Variants in AGO3 observed in about 807,000 individuals in gnomAD.
AGO3 encodes argonaute RISC catalytic component 3.
In AGO3, 16 loss-of-function variants were observed where a neutral mutation model predicts 105.5. The observed-to-expected ratio is 0.15, with a 90% CI of 0.10 to 0.23. The LOEUF (loss-of-function observed/expected upper bound fraction) is 0.23, where lower values mean the gene tolerates loss of function less well. Among genes scored for constraint, AGO3 ranks in the 10% least tolerant of loss-of-function variants. The pLI is 1.00. For missense variants in AGO3, 534 were observed against 1,088.0 expected, an observed-to-expected ratio of 0.49 and a Z score of 7.16; for synonymous variants, 340 against 367.3, an observed-to-expected ratio of 0.93 and a Z score of 0.85.
rs116815282 is a variant in AGO3 at position 36,021,763 on chromosome 1, A to G, written c.1407-5351A>G. ...AGTCATTCATTTAGCCAAGGTGATC[A>G]TTAAAAGGTTTTTTAAAAGCAAAAC... is the stretch of plus-strand genomic sequence containing the variant. On this transcript the variant is annotated intron_variant, in intron 11 of 18. Coordinates refer to ENST00000373191, the MANE Select transcript of AGO3 (RefSeq NM_024852.4). Among the ~76,000 whole-genome samples the G allele has an allele frequency of 7.1e-3, 1,077 of 152,346 alleles. 12 individuals carry two copies. The highest frequency in any genetic ancestry group is 0.025 in the African/African-American group (1,022 of 41,584).
chr1:35,937,296 G>A (rs936109644), intron 1 of AGO3, among the ~76,000 whole-genome samples: 5 of 151,690 alleles, frequency 3.3e-5, no homozygotes, highest in South Asian at 2.1e-4. Flanking sequence ...CCCGCTACTC[G>A]GGAGGCTGAG....
intron 5 of AGO3, chr1:35,991,976 G>T (rs1405910174): frequency 6.6e-6 from 1 of 152,112 alleles, no homozygotes; most frequent in Admixed American, 6.5e-5. Flanking sequence ...CATGGATAGG[G>T]TTTGTTGACT....
At chr1:35,972,001 G>C in intron 3 of AGO3, 23 bp from the exon 4 acceptor site, 2 of 1,598,504 alleles carry the variant, frequency 1.3e-6, no homozygotes, top group South Asian at 2.2e-5. Context: ...ACATTTACCA[G>C]TTGACTCTTT....
At position 36,036,180 on chromosome 1, in the gene AGO3, T is replaced by A. The variant is rs1335191902; in HGVS notation, c.1755T>A (p.Pro585=). The A allele has an allele frequency of 6.2e-7, 1 of 1,613,928 alleles. No homozygotes were observed. Among genetic ancestry groups the A allele is most frequent in the Non-Finnish European group, 8.5e-7 (1 of 1,179,926 alleles). Residue 585 remains proline, a synonymous_variant, in exon 14 of 19, where the codon CCT becomes CCA. Coordinates refer to ENST00000373191, the MANE Select transcript of AGO3 (RefSeq NM_024852.4). ...INNILVPHQR[P]SVFQQPVIFL... The stretch of plus-strand genomic sequence containing the variant: ...CCTTTTTCAAAATGTGTTTAAGACC[T>A]TCTGTGTTCCAGCAACCAGTGATCT...
At chr1:35,962,171 G>C (rs1354139384) in intron 2 of AGO3, among the ~76,000 whole-genome samples, 1 of 152,034 alleles carries the variant, frequency 6.6e-6, no homozygotes, top group South Asian at 2.1e-4. Context: ...TTCTAAGGTG[G>C]AAAATTATTC....
chr1:36,026,125 G>A (rs961432691), intron 11 of AGO3, among the ~76,000 whole-genome samples: 1 of 151,274 alleles, frequency 6.6e-6, no homozygotes, highest in African/African-American at 2.4e-5. Flanking sequence ...CTGTTTATTT[G>A]GAGACAAGAG....
intron 2 of AGO3, among the ~76,000 whole-genome samples, chr1:35,946,808 A>C (rs1337294860): frequency 2.0e-5 from 3 of 152,238 alleles, no homozygotes; most frequent in Non-Finnish European, 4.4e-5. Context: ...AGAATGTTGT[A>C]ATTAACATGT....
At chr1:35,960,190 A>G (rs1453102539) in intron 2 of AGO3, among the ~76,000 whole-genome samples, 1 of 152,172 alleles carries the variant, frequency 6.6e-6, no homozygotes, top group Non-Finnish European at 1.5e-5. Flanking sequence ...GAAACTAGAT[A>G]AATTACTGTT....
intron 5 of AGO3, among the ~76,000 whole-genome samples, chr1:35,987,188 C>T (rs1250271403): frequency 1.3e-5 from 2 of 151,566 alleles, no homozygotes; most frequent in Admixed American, 6.6e-5. Flanking sequence ...ATCAGCCAGA[C>T]GTGGTGGCAC....
Position 36,008,516 on chromosome 1 carries a change from G to C in AGO3, c.794-174G>C, listed in dbSNP as rs1036031822. 2.0e-5 allele frequency among the ~76,000 whole-genome samples: 3 copies of C among 152,162 alleles called. No individual in the cohort carries two copies. The highest frequency in any genetic ancestry group is 6.5e-5 in the Admixed American group (1 of 15,272). Reference sequence around the variant, plus strand: ...TTTTGCCATTAGGTCTGTCATGACTGTGACCATTATTAGCAATGTTATATG... The same window carrying C: ...TTTTGCCATTAGGTCTGTCATGACTCTGACCATTATTAGCAATGTTATATG... On this transcript the variant is annotated intron_variant, in intron 6 of 18. Coordinates refer to ENST00000373191, the MANE Select transcript of AGO3 (RefSeq NM_024852.4). The surrounding 1 kb of genome is among the most constrained non-coding windows in gnomAD (Gnocchi z 5.1).
rs993397555 is a variant in AGO3, at chr1:36,064,160, A to C, written c.*8415A>C. On this transcript the variant is annotated 3_prime_UTR_variant, in exon 19 of 19. Transcript: ENST00000373191. Reference sequence around the variant, plus strand: ...TTTGGGAGGCCGAGGCAGGCAGACCACCTGAGGTCAGGGGTTCGTGACCAG... The same window carrying C: ...TTTGGGAGGCCGAGGCAGGCAGACCCCCTGAGGTCAGGGGTTCGTGACCAG... 1.3e-5 allele frequency: 2 copies of C among 152,390 alleles called. No homozygotes were observed. The highest frequency in any genetic ancestry group is 4.8e-5 in the African/African-American group (2 of 41,460). 9.4% of individuals were successfully genotyped at this position (152,390 alleles called of 1,614,324 possible).
chr1:35,956,095 C>T (rs1242802908), intron 2 of AGO3, among the ~76,000 whole-genome samples: 2 of 152,074 alleles, frequency 1.3e-5, no homozygotes, highest in African/African-American at 4.8e-5. Context: ...CTGCAGCATA[C>T]CCCTTGGCAC....
intron 17 of AGO3, among the ~76,000 whole-genome samples, chr1:36,054,692 C>G (rs928612735): frequency 2.2e-4 from 34 of 152,098 alleles, no homozygotes; most frequent in Admixed American, 6.6e-5. Context: ...ACCAGCCTGA[C>G]CAACATGGCA....
rs575166889 is a variant in AGO3 at position 36,014,108 on chromosome 1, A to G, written c.1406+60A>G. On this transcript the variant is annotated intron_variant, in intron 11 of 18. Coordinates refer to ENST00000373191, the MANE Select transcript of AGO3 (RefSeq NM_024852.4). Reference sequence around the variant, plus strand: ...TTTGTGTTTAGACTTTAAATTACTCATCTAATGTTCTAACAGATGTTGCCT... The same window carrying G: ...TTTGTGTTTAGACTTTAAATTACTCGTCTAATGTTCTAACAGATGTTGCCT... The G allele has an allele frequency of 3.0e-5, 48 of 1,604,514 alleles. 1 individual carries two copies. In the South Asian group the frequency reaches 4.8e-4, roughly 16 times the overall value.
rs1646037555 is a variant in AGO3 at position 35,931,174 on chromosome 1, T to A, written c.-253T>A. 2.5e-6 allele frequency: 1 copy of A among 398,118 alleles called. No homozygotes were observed. The highest frequency in any genetic ancestry group is 4.4e-6 in the Non-Finnish European group (1 of 225,818). 24.7% of individuals were successfully genotyped at this position (398,118 alleles called of 1,614,324 possible). On this transcript the variant is annotated 5_prime_UTR_variant, in exon 1 of 19. Transcript: ENST00000373191. ...GTCGGCGGCCGCGGGCGATGCAACT[T>A]CCGGACGGGACTCCCCTCTGTCCGC...
chr1:35,991,363 C>CA lies in AGO3; in HGVS notation c.659-12977dup, dbSNP rs1647633580. ...TTCATGAGATCTGTCTCTTGATTCT[C>CA]ACTGTTTCAGTCTGGTTGAGTTATG... On this transcript the variant is annotated intron_variant, in intron 5 of 18. Transcript: ENST00000373191. Among the ~76,000 whole-genome samples, 4 of 152,102 alleles carry CA rather than the reference C, an allele frequency of 2.6e-5. No individual in the cohort carries two copies. The South Asian group carries it at 8.3e-4, about 32-fold the overall frequency.
intron 14 of AGO3, among the ~76,000 whole-genome samples, chr1:36,039,492 CAAAAAAAAA>C (rs1048314282): frequency 9.0e-5 from 5 of 55,642 alleles, no homozygotes; most frequent in Admixed American, 3.2e-4. Flanking sequence ...GACTGCGTCT[CAAAAAAAAA>C]AAAAAAAAAA....
chr1:36,040,504 A>G, intron 16 of AGO3, 63 bp downstream of exon 16: 1 of 1,566,264 alleles, frequency 6.4e-7, no homozygotes, highest in Middle Eastern at 1.7e-4. Flanking sequence ...TTCATAGAGC[A>G]TTCAACAAGG....
At chr1:35,969,730 AC>A (rs1646833469) in intron 3 of AGO3, among the ~76,000 whole-genome samples, 2 of 152,194 alleles carry the variant, frequency 1.3e-5, no homozygotes, top group African/African-American at 4.8e-5. Flanking sequence ...GTGTATACTT[AC>A]GCAAACCTGA....
Sources: allele counts gnomAD v4.1 joint callset (sites outside exome capture counted in the v4.1 genomes callset), GRCh38; gene constraint gnomAD v4.1.1; non-coding constraint Gnocchi (gnomAD v3.1); transcripts MANE v1.5; gene names NCBI Gene and HGNC (gene_info 2026-07-23, HGNC 2026-07-21).